EVI2B: variants seen among roughly 807,000 people sequenced by gnomAD.
EVI2B encodes the protein ecotropic viral integration site 2B.
Under a neutral mutation model 6.6 loss-of-function variants are expected in EVI2B, and 4 were observed. That is an observed-to-expected ratio of 0.61 (90% confidence interval 0.30 to 1.39). EVI2B has a LOEUF of 1.39. Ranked by LOEUF, EVI2B falls within the 40% of genes most tolerant of loss-of-function variation. The probability of loss-of-function intolerance (pLI) is 0.08; values close to 1 mark genes in which losing one functional copy is unlikely to be tolerated. For synonymous variants in EVI2B, 181 were observed against 186.8 expected, an observed-to-expected ratio of 0.97 and a Z score of 0.25; for missense variants, 484 against 516.6, an observed-to-expected ratio of 0.94 and a Z score of 0.61.
chr17:31,306,699 A>G lies in EVI2B; in HGVS notation c.-21-1069T>C, dbSNP rs375783615. ...GAGTGATCTCTGAATCTGGTGGAGT[A>G]AATTCAATCCAGTTGGTCAAGTAGT... On this transcript the variant is annotated intron_variant, in intron 1 of 1. Transcript: ENST00000330927. Among the ~76,000 whole-genome samples the G allele has an allele frequency of 1.6e-4, 24 of 152,282 alleles. No homozygotes were observed. In the South Asian group the frequency reaches 4.8e-3, roughly 30 times the overall value.
chr17:31,312,623 A>T (rs1193660669), intron 1 of EVI2B, among the ~76,000 whole-genome samples: 1 of 152,116 alleles, frequency 6.6e-6, no homozygotes, highest in African/African-American at 2.4e-5. Context: ...AAAATTTAAT[A>T]TAATTTTATG....
In EVI2B at chr17:31,308,970, A is replaced by T. The variant is rs2068801103; in HGVS notation, c.-21-3340T>A. Among the ~76,000 whole-genome samples, 5 of 152,236 alleles carry T rather than the reference A, an allele frequency of 3.3e-5. No homozygotes were observed. The South Asian group carries it at 1.0e-3, about 31-fold the overall frequency. On this transcript the variant is annotated intron_variant, in intron 1 of 1. Coordinates refer to ENST00000330927, the MANE Select transcript of EVI2B (RefSeq NM_006495.4). ...GCAGAAAGGAGAAAGAAAAATACTT[A>T]TCTAGAGCATATTATGTGTTGTACT...
intron 1 of EVI2B, among the ~76,000 whole-genome samples, chr17:31,312,927 TTATTC>T (rs2068916671): frequency 6.6e-6 from 1 of 152,180 alleles, no homozygotes; most frequent in Non-Finnish European, 1.5e-5. Context: ...TTTCTATTGT[TTATTC>T]TATAGGTTTC....
intron 1 of EVI2B, among the ~76,000 whole-genome samples, chr17:31,311,661 A>T (rs1290092698): frequency 6.6e-6 from 1 of 152,174 alleles, no homozygotes; most frequent in Admixed American, 6.5e-5. Context: ...ATCCTATTTT[A>T]ATTAGCTAGG....
rs577502724 is a variant in EVI2B, at chr17:31,307,311, G to T, written c.-21-1681C>A. On this transcript the variant is annotated intron_variant, in intron 1 of 1. Transcript: ENST00000330927. ...TGGGATTACAGGTGTGAGCCACCAC[G>T]CCTGGCCCAATTACAATAATTTGAT... 3.9e-5 allele frequency among the ~76,000 whole-genome samples: 6 copies of T among 152,266 alleles called. No individual in the cohort carries two copies. In the East Asian group the frequency reaches 9.7e-4, roughly 25 times the overall value.
intron 1 of EVI2B, among the ~76,000 whole-genome samples, chr17:31,309,653 A>G (rs1017334631): frequency 6.6e-6 from 1 of 152,222 alleles, no homozygotes; most frequent in Admixed American, 6.5e-5. Flanking sequence ...GACTTTGCTT[A>G]AAATAAGGAA....
Position 31,304,221 on chromosome 17 carries a change from C to A in EVI2B, c.*42G>T, listed in dbSNP as rs377592797. 1 of 1,520,170 alleles carries A rather than the reference C, an allele frequency of 6.6e-7. No individual in the cohort carries two copies. The highest frequency in any genetic ancestry group is 1.3e-5 in the South Asian group (1 of 75,726). 94.2% of individuals were successfully genotyped at this position (1,520,170 alleles called of 1,614,324 possible). A position where few individuals can be genotyped will look rare whatever the true frequency, so the allele number is the denominator to read the frequency against. ...TGTTAACATATAAAGAAAAAAGAGT[C>A]ATTTGAGGATGGAAGATCAGCTAAA... On this transcript the variant is annotated 3_prime_UTR_variant, in exon 2 of 2. Transcript: ENST00000330927.
At chr17:31,313,551 A>C (rs567301243) in intron 1 of EVI2B, among the ~76,000 whole-genome samples, 43 of 151,822 alleles carry the variant, frequency 2.8e-4, no homozygotes, top group Non-Finnish European at 5.6e-4. Context: ...TAAAAATACA[A>C]AAAAATTAGC....
chr17:31,314,021 T>C lies in EVI2B; in HGVS notation c.-64A>G, dbSNP rs1402560532. The C allele has an allele frequency of 7.5e-6, 3 of 398,086 alleles. No individual in the cohort carries two copies. The highest frequency in any genetic ancestry group is 1.3e-5 in the Non-Finnish European group (3 of 225,850). The allele number at this position is 398,086 out of a possible 1,614,324, so 24.7% of individuals were successfully genotyped here. On this transcript the variant is annotated 5_prime_UTR_variant, in exon 1 of 2. An upstream open reading frame in the 5' UTR loses its in-frame stop. Coordinates refer to ENST00000330927, the MANE Select transcript of EVI2B (RefSeq NM_006495.4). ...TTTGCAGAATGCTAAATTCTTGTTC[T>C]AACTGGACATTTTGGTGATTTGGCT...
At chr17:31,306,076 T>A (rs1223189689) in intron 1 of EVI2B, among the ~76,000 whole-genome samples, 1 of 152,178 alleles carries the variant, frequency 6.6e-6, no homozygotes, top group East Asian at 1.9e-4. Context: ...TGTTACCTAA[T>A]CTAATTGTTC....
Position 31,304,522 on chromosome 17 carries a change from A to G in EVI2B, c.1088T>C (p.Val363Ala). 1.2e-6 allele frequency: 2 copies of G among 1,614,188 alleles called. No homozygotes were observed. Among genetic ancestry groups the G allele is most frequent in the Non-Finnish European group, 1.7e-6 (2 of 1,180,016 alleles). The change falls in exon 2 of 2, where the codon GTA becomes GCA. Residue 363 changes from valine to alanine, a missense_variant. Val to Ala is a moderately conservative substitution (Grantham distance 64). Coordinates refer to ENST00000330927, the MANE Select transcript of EVI2B (RefSeq NM_006495.4). ...NQSDKPTMTI[V>A]SPLPNDSTSL... ...AGTAGAATCATTTGGAAGAGGAGAT[A>G]CAATTGTCATTGTGGGTTTGTCAGA...
Position 31,305,590 on chromosome 17 carries a change from A to G in EVI2B, c.20T>C (p.Ile7Thr), listed in dbSNP as rs1205370945. The change falls in exon 2 of 2, where the codon ATC becomes ACC. Residue 7 changes from isoleucine to threonine, a missense_variant. Ile to Thr is a moderately conservative substitution (Grantham distance 89). Transcript: ENST00000330927. ...CAGGTGTCCACAAAACAAAATTAAG[A>G]TGAAATATTTGGGATCCATTTCAGA... is the stretch of plus-strand genomic sequence containing the variant. MDPKYF[I>T]LILFCGHLNN... 5 of 1,612,900 alleles carry G rather than the reference A, an allele frequency of 3.1e-6. No homozygotes were observed. Among genetic ancestry groups the G allele is most frequent in the Non-Finnish European group, 4.2e-6 (5 of 1,179,444 alleles).
Position 31,304,892 on chromosome 17 carries a change from C to G in EVI2B, c.718G>C (p.Gly240Arg). 6.2e-7 allele frequency: 1 copy of G among 1,614,054 alleles called. No individual in the cohort carries two copies. Among genetic ancestry groups the G allele is most frequent in the South Asian group, 1.1e-5 (1 of 91,084 alleles). ...TCTCCATCAGCAAATGGAGATCTAC[C>G]TGCCCAATTTTGATCATTTAAAACT... ...KPVLNDQNWAGRSPFADGETP... is the reference protein window; with the variant it reads ...KPVLNDQNWARRSPFADGETP... Residue 240 changes from glycine to arginine, a missense_variant, in exon 2 of 2, where the codon GGT becomes CGT. Gly to Arg is a moderately radical substitution (Grantham distance 125, BLOSUM62 -2). Coordinates refer to ENST00000330927, the MANE Select transcript of EVI2B (RefSeq NM_006495.4).
chr17:31,309,428 G>T (rs2068810938), intron 1 of EVI2B, among the ~76,000 whole-genome samples: 1 of 152,030 alleles, frequency 6.6e-6, no homozygotes, highest in South Asian at 2.1e-4. Flanking sequence ...AACACTTTTG[G>T]CATAGATATA....
chr17:31,313,847 C>T (rs2151520583), intron 1 of EVI2B, 132 bp downstream of exon 1: 1 of 341,770 alleles, frequency 2.9e-6, no homozygotes, highest in Middle Eastern at 7.9e-4. Flanking sequence ...TAATTCTATG[C>T]AACAAAACCA....
intron 1 of EVI2B, among the ~76,000 whole-genome samples, chr17:31,310,329 A>G (rs2068836123): frequency 6.6e-6 from 1 of 152,154 alleles, no homozygotes; most frequent in African/African-American, 2.4e-5. Context: ...GAGAAGATAC[A>G]GAAAAGAAGA....
At chr17:31,306,271 T>C (rs1390930200) in intron 1 of EVI2B, among the ~76,000 whole-genome samples, 1 of 152,188 alleles carries the variant, frequency 6.6e-6, no homozygotes, top group Non-Finnish European at 1.5e-5. Flanking sequence ...TCTTTGTTCC[T>C]GATTCTGTAA....
chr17:31,313,940 A>G (rs2068956969), intron 1 of EVI2B, 39 bp downstream of exon 1: 2 of 397,738 alleles, frequency 5.0e-6, no homozygotes, highest in Admixed American at 8.8e-5. Flanking sequence ...AATTTTATAT[A>G]AAGCAAGATC....
rs2068957786 is a variant in EVI2B, at chr17:31,313,970, T to A, written c.-22+9A>T. ...AAGATCAAACCAAATTGTGTGAAAA[T>A]TTTCTTACCTCAGCTGTTAACTTCT... On this transcript the variant is annotated intron_variant, in intron 1 of 1. Coordinates refer to ENST00000330927, the MANE Select transcript of EVI2B (RefSeq NM_006495.4). 3 of 398,024 alleles carry A rather than the reference T, an allele frequency of 7.5e-6. No homozygotes were observed. Among genetic ancestry groups the A allele is most frequent in the Non-Finnish European group, 1.3e-5 (3 of 225,778 alleles). The allele number at this position is 398,024 out of a possible 1,614,324, so 24.7% of individuals were successfully genotyped here.
Sources: gnomAD v4.1 joint callset for allele counts (sites outside exome capture counted in the v4.1 genomes callset) on GRCh38, gnomAD v4.1.1 for gene constraint, MANE v1.5 for transcripts, NCBI Gene and HGNC (gene_info 2026-07-23, HGNC 2026-07-21) for gene names.